Variants in TLR3 observed in about 807,000 individuals in gnomAD.
The protein encoded by TLR3 is toll-like receptor 3.
TLR3 carries 43 observed loss-of-function variants against 66.4 expected under a neutral mutation model. That is an observed-to-expected ratio of 0.65 (90% CI 0.51 to 0.83). The LOEUF is 0.83. Ranked by LOEUF, TLR3 falls within the 40% of genes least tolerant of loss-of-function variation. The probability of loss-of-function intolerance (pLI) is 0.00; values close to 1 mark genes in which losing one functional copy is unlikely to be tolerated. For synonymous variants in TLR3, 397 were observed against 397.2 expected (o/e 1.00, Z 0.01); for missense variants, 982 against 1,044.6 (o/e 0.94, Z 0.83).
intron 1 of TLR3, among the ~76,000 whole-genome samples, chr4:186,071,026 T>A (rs1039595922): frequency 5.9e-5 from 9 of 152,238 alleles, no homozygotes; most frequent in Non-Finnish European, 5.9e-5. Flanking sequence ...TTCAAAATAA[T>A]TTTCTCTAAA....
intron 2 of TLR3, 52 bp downstream of exon 2, chr4:186,077,112 C>T: frequency 6.6e-7 from 1 of 1,522,554 alleles, no homozygotes; most frequent in Non-Finnish European, 9.0e-7. Flanking sequence ...GTTACCCATC[C>T]TTAGACTTAC....
intron 3 of TLR3, among the ~76,000 whole-genome samples, chr4:186,079,452 G>T (rs2099303047): frequency 6.6e-6 from 1 of 152,136 alleles, no homozygotes. Flanking sequence ...ATGTTATCAG[G>T]CAAGTTATTC....
intron 1 of TLR3, among the ~76,000 whole-genome samples, chr4:186,075,694 T>C (rs1331864428): frequency 2.0e-5 from 3 of 152,050 alleles, no homozygotes; most frequent in Non-Finnish European, 4.4e-5. Context: ...GACTTTAGAT[T>C]TGCTGAATTA....
In TLR3 at chr4:186,086,775, A is replaced by G. The variant is rs937102479; in HGVS notation, c.*1902A>G. On this transcript the variant is annotated 3_prime_UTR_variant, in exon 5 of 5. Transcript: ENST00000296795. ...CAATGCTATTTAATATATAATATCT[A>G]TATTTAATATATTGATATGTTACTG... 1 of 151,920 alleles carries G rather than the reference A, an allele frequency of 6.6e-6. No homozygotes were observed. The highest frequency in any genetic ancestry group is 1.5e-5 in the Non-Finnish European group (1 of 67,986). The allele number at this position is 151,920 out of a possible 1,614,324, so 9.4% of individuals were successfully genotyped here.
At position 186,082,918 on chromosome 4, in the gene TLR3, TACTC is replaced by T; in HGVS notation, c.1234_1237del (p.Leu412ThrfsTer2). 1.2e-6 allele frequency: 2 copies of T among 1,614,206 alleles called. No individual in the cohort carries two copies. The highest frequency in any genetic ancestry group is 1.7e-6 in the Non-Finnish European group (2 of 1,180,042). ...TCACTTGCTCATTCTCCCTTACACATACTCAACCTAACCAAGAATAAAATCTCAA... is the reference window on the plus strand; with the variant it reads ...TCACTTGCTCATTCTCCCTTACACATAACCTAACCAAGAATAAAATCTCAA... On this transcript the variant is annotated frameshift_variant, in exon 4 of 5. Transcript: ENST00000296795. LOFTEE classifies it high-confidence loss of function.
chr4:186,081,740 T>G (rs564572804), intron 3 of TLR3: 1 of 154,202 alleles, frequency 6.5e-6, no homozygotes, highest in African/African-American at 2.4e-5. Context: ...CAGAGAAGCC[T>G]CCCTGAAAAG....
chr4:186,071,648 A>G (rs758398988), intron 1 of TLR3, among the ~76,000 whole-genome samples: 2 of 151,790 alleles, frequency 1.3e-5, no homozygotes, highest in African/African-American at 2.4e-5. Flanking sequence ...TGTAAAGGCC[A>G]TGAGATGGGA....
Position 186,078,863 on chromosome 4 carries a change from T to A in TLR3, c.465T>A (p.Ser155=). The change falls in exon 3 of 5, where the codon TCT becomes TCA. Residue 155 remains serine, a synonymous_variant. Coordinates refer to ENST00000296795, the MANE Select transcript of TLR3 (RefSeq NM_003265.3). ...KQKNLITLDL[S]HNGLSSTKLG... is the part of the protein sequence containing the mutation. ...AGAATTTAATCACATTAGATCTGTCTCATAATGGCTTGTCATCTACAAAAT... is the reference window on the plus strand; with the variant it reads ...AGAATTTAATCACATTAGATCTGTCACATAATGGCTTGTCATCTACAAAAT... The A allele has an allele frequency of 6.2e-7, 1 of 1,614,054 alleles. No individual in the cohort carries two copies. Among genetic ancestry groups the A allele is most frequent in the South Asian group, 1.1e-5 (1 of 91,062 alleles).
rs1351537397 is a variant in TLR3, at chr4:186,083,420, A to G, written c.1734A>G (p.Pro578=). ...AGTCCAACGGCTTTGACGAGATCCCAGTTGAGGTCTTCAAGGATTTATTTG... is the reference window on the plus strand; with the variant it reads ...AGTCCAACGGCTTTGACGAGATCCCGGTTGAGGTCTTCAAGGATTTATTTG... ...NLESNGFDEI[P]VEVFKDLFEL... Residue 578 remains proline, a synonymous_variant, in exon 4 of 5, where the codon CCA becomes CCG. Coordinates refer to ENST00000296795, the MANE Select transcript of TLR3 (RefSeq NM_003265.3). The surrounding 1 kb of genome is among the most constrained non-coding windows in gnomAD (Gnocchi z 4.0). The G allele has an allele frequency of 1.9e-6, 3 of 1,613,746 alleles. No individual in the cohort carries two copies. Among genetic ancestry groups the G allele is most frequent in the Admixed American group, 1.7e-5 (1 of 59,960 alleles).
Position 186,087,463 on chromosome 4 carries a change from G to A in TLR3, c.*2590G>A. 1 of 152,178 alleles carries A rather than the reference G, an allele frequency of 6.6e-6. No individual in the cohort carries two copies. The highest frequency in any genetic ancestry group is 1.9e-4 in the East Asian group (1 of 5,188). 9.4% of individuals were successfully genotyped at this position (152,178 alleles called of 1,614,324 possible). ...AGGATGTTTGTCTGAGCTCTTGTTTGATTTGCCCAAGTGACTTGACTTGTT... is the reference window on the plus strand; with the variant it reads ...AGGATGTTTGTCTGAGCTCTTGTTTAATTTGCCCAAGTGACTTGACTTGTT... On this transcript the variant is annotated 3_prime_UTR_variant, in exon 5 of 5. Transcript: ENST00000296795.
In TLR3 at chr4:186,084,139, C is replaced by T. The variant is rs2099303986; in HGVS notation, c.2453C>T (p.Thr818Ile). ...KRSRKIIFVI[T>I]HHLLKDPLCK... ...AGCAGAAAAATTATTTTTGTTATAA[C>T]ACACCATCTATTAAAAGACCCATTA... The change falls in exon 4 of 5, where the codon ACA (threonine) becomes ATA (isoleucine). Residue 818 changes from threonine (T) to isoleucine (I), a missense_variant. This residue lies in a region of TLR3 where 666 missense variants were observed against 709.0 expected (regional missense o/e 0.94). Transcript: ENST00000296795. 6.2e-7 allele frequency: 1 copy of T among 1,613,856 alleles called. No homozygotes were observed. Among genetic ancestry groups the T allele is most frequent in the Non-Finnish European group, 8.5e-7 (1 of 1,179,940 alleles).
In TLR3 at chr4:186,077,034, A is replaced by T. The variant is rs2099302564; in HGVS notation, c.415A>T (p.Lys139Ter). 1 of 1,614,126 alleles carries T rather than the reference A, an allele frequency of 6.2e-7. No homozygotes were observed. Among genetic ancestry groups the T allele is most frequent in the Non-Finnish European group, 8.5e-7 (1 of 1,180,018 alleles). ...HLMSNSIQKI[K>*]NNPFVKQKNL... ...CATGTCCAACTCAATCCAGAAAATTAAAAATAATCCCTTTGTCAAGCAGAA... is the reference window on the plus strand; with the variant it reads ...CATGTCCAACTCAATCCAGAAAATTTAAAATAATCCCTTTGTCAAGCAGAA... The change falls in exon 2 of 5, where the codon AAA becomes TAA. Residue 139 changes from lysine (K) to a stop codon, truncating the protein, a stop_gained. Coordinates refer to ENST00000296795, the MANE Select transcript of TLR3 (RefSeq NM_003265.3). LOFTEE classifies it high-confidence loss of function.
At position 186,084,032 on chromosome 4, in the gene TLR3, A is replaced by G. The variant is rs982473454; in HGVS notation, c.2346A>G (p.Gln782=). ...TCTCTTCAATGGAAAAGGAAGACCA[A>G]TCTCTCAAATTTTGTCTGGAAGAAA... The part of the protein sequence containing the change: ...EHFSSMEKED[Q]SLKFCLEERD... Residue 782 remains glutamine, a synonymous_variant, in exon 4 of 5, where the codon CAA becomes CAG. Coordinates refer to ENST00000296795, the MANE Select transcript of TLR3 (RefSeq NM_003265.3). The G allele has an allele frequency of 6.2e-6, 10 of 1,614,062 alleles. No individual in the cohort carries two copies. In the African/African-American group the frequency reaches 8.0e-5, roughly 13 times the overall value.
At position 186,081,975 on chromosome 4, in the gene TLR3, C is replaced by T. The variant is rs139255182; in HGVS notation, c.634-345C>T. The T allele has an allele frequency of 2.2e-3, 679 of 303,760 alleles. 7 individuals are homozygous for T. The highest frequency in any genetic ancestry group is 0.014 in the African/African-American group (649 of 45,460). The allele number at this position is 303,760 out of a possible 1,614,324, so 18.8% of individuals were successfully genotyped here. On this transcript the variant is annotated intron_variant, in intron 3 of 4. Transcript: ENST00000296795. ...GGTGCAGCGGCTCAGGCCTATAATC[C>T]CAGCACTTTGGGAGGCTGAGGCGGG... is the stretch of plus-strand genomic sequence containing the variant.
chr4:186,078,300 T>C (rs1322053851), intron 2 of TLR3, among the ~76,000 whole-genome samples: 1 of 152,158 alleles, frequency 6.6e-6, no homozygotes, highest in Non-Finnish European at 1.5e-5. Context: ...CAAACAAAAC[T>C]TAATATTCTG....
intron 1 of TLR3, among the ~76,000 whole-genome samples, chr4:186,071,907 C>T (rs1206306495): frequency 1.3e-5 from 2 of 152,194 alleles, no homozygotes; most frequent in South Asian, 2.1e-4. Flanking sequence ...TGCTTCATCT[C>T]CATACCTTGT....
At chr4:186,082,070 C>G in intron 3 of TLR3, 1 of 487,344 alleles carries the variant, frequency 2.1e-6, no homozygotes, top group Non-Finnish European at 3.7e-6. Flanking sequence ...ACTAAAAATA[C>G]AAAACTTAGC....
rs1418733023 is a variant in TLR3, at chr4:186,076,731, A to G, written c.112A>G (p.Ser38Gly). 6.2e-7 allele frequency: 1 copy of G among 1,614,194 alleles called. No homozygotes were observed. ...CTVSHEVADC[S>G]HLKLTQVPDD... ...TGTTAGCCATGAAGTTGCTGACTGC[A>G]GCCACCTGAAGTTGACTCAGGTACC... The change falls in exon 2 of 5, where the codon AGC (serine) becomes GGC (glycine). Residue 38 changes from serine to glycine, a missense_variant. By Grantham distance (56) the Ser-to-Gly change is moderately conservative. Transcript: ENST00000296795.
rs2099304210 is a variant in TLR3 at position 186,085,485 on chromosome 4, TG to T, written c.*613del. On this transcript the variant is annotated 3_prime_UTR_variant, in exon 5 of 5. Transcript: ENST00000296795. Reference sequence around the variant, plus strand: ...ATGAGATGATTATTTGAATGAATATTGACTTGTATTTTCCTGAGATTATGAG... The same window carrying T: ...ATGAGATGATTATTTGAATGAATATTACTTGTATTTTCCTGAGATTATGAG... 1 of 152,716 alleles carries T rather than the reference TG, an allele frequency of 6.5e-6. No homozygotes were observed. The highest frequency in any genetic ancestry group is 2.4e-5 in the African/African-American group (1 of 41,590). The allele number at this position is 152,716 out of a possible 1,614,324, so 9.5% of individuals were successfully genotyped here. A position where few individuals can be genotyped will look rare whatever the true frequency, so the allele number is the denominator to read the frequency against.
Sources: allele counts gnomAD v4.1 joint callset (sites outside exome capture counted in the v4.1 genomes callset), GRCh38; gene constraint gnomAD v4.1.1; regional missense constraint gnomAD v4.1.1; non-coding constraint Gnocchi (gnomAD v3.1); transcripts MANE v1.5; gene names NCBI Gene and HGNC (gene_info 2026-07-23, HGNC 2026-07-21).